Variants in PCDHGB3 observed in about 807,000 individuals in gnomAD.
The protein encoded by PCDHGB3 is protocadherin gamma-B3.
PCDHGB3 carries 40 observed loss-of-function variants against 59.2 expected under a neutral mutation model. That is an observed-to-expected ratio of 0.68 (90% CI 0.52 to 0.88). The LOEUF (loss-of-function observed/expected upper bound fraction) is 0.88. PCDHGB3 is among the 40% of genes least tolerant of loss of function. The pLI, the probability that PCDHGB3 is intolerant of heterozygous loss-of-function variation, is 0.00. For synonymous variants in PCDHGB3, 581 were observed against 503.6 expected (o/e 1.15, Z -2.06); for missense variants, 1,309 against 1,187.9 (o/e 1.10, Z -1.50).
chr5:141,403,377 T>G lies in PCDHGB3; in HGVS notation c.2415+30568T>G. 6.2e-7 allele frequency: 1 copy of G among 1,614,016 alleles called. No homozygotes were observed. The highest frequency in any genetic ancestry group is 8.5e-7 in the Non-Finnish European group (1 of 1,179,900). On this transcript the variant is annotated intron_variant, in intron 1 of 3. Transcript: ENST00000576222. ...CAGGCCGAAAGTCTGGAAGTAAAAA[T>G]TAACGAAATCGCGGTTCCTGGAGCA... is the stretch of plus-strand genomic sequence containing the variant.
intron 1 of PCDHGB3, chr5:141,484,931 A>T: frequency 4.0e-6 from 2 of 498,120 alleles, no homozygotes; most frequent in South Asian, 5.3e-5. Context: ...TGCTGTTGGG[A>T]CGTTCTCTGC....
At chr5:141,398,580 A>G in intron 1 of PCDHGB3, 1 of 1,614,044 alleles carries the variant, frequency 6.2e-7, no homozygotes, top group Non-Finnish European at 8.5e-7. Context: ...CTGGCACAAG[A>G]TTTATACTAG....
rs202006594 is a variant in PCDHGB3 at position 141,477,618 on chromosome 5, C to G, written c.2416-17189C>G. On this transcript the variant is annotated intron_variant, in intron 1 of 3. Coordinates refer to ENST00000576222, the MANE Select transcript of PCDHGB3 (RefSeq NM_018924.5). The surrounding 1 kb of genome is among the most constrained non-coding windows in gnomAD (Gnocchi z 4.9). ...TCTTTCTTTCTCTTGGAGCAAGGAGCTGAAACCGGGCTAGTGGGTCGCTAT... is the reference window on the plus strand; with the variant it reads ...TCTTTCTTTCTCTTGGAGCAAGGAGGTGAAACCGGGCTAGTGGGTCGCTAT... 6.2e-7 allele frequency: 1 copy of G among 1,614,176 alleles called. No individual in the cohort carries two copies. Among genetic ancestry groups the G allele is most frequent in the East Asian group, 2.2e-5 (1 of 44,890 alleles).
chr5:141,423,758 G>GGT (rs138224377), intron 1 of PCDHGB3: 10 of 366,772 alleles, frequency 2.7e-5, no homozygotes, highest in Non-Finnish European at 1.5e-5. Flanking sequence ...TTTGGGGGGG[G>GGT]GGTGGGGCGG....
rs1280923293 is a variant in PCDHGB3 at position 141,478,837 on chromosome 5, G to A, written c.2416-15970G>A. ...AACTAACCAATCTTGCTAAGGGATG[G>A]TTAAGCTAAAACACAAGATCTCAGC... is the stretch of plus-strand genomic sequence containing the variant. On this transcript the variant is annotated intron_variant, in intron 1 of 3. Transcript: ENST00000576222. 3.5e-6 allele frequency: 5 copies of A among 1,428,112 alleles called. No homozygotes were observed. The African/African-American group carries it at 5.8e-5, about 16-fold the overall frequency. The allele number at this position is 1,428,112 out of a possible 1,614,324, so 88.5% of individuals were successfully genotyped here.
chr5:141,405,295 C>T lies in PCDHGB3; in HGVS notation c.2415+32486C>T, dbSNP rs192426924. On this transcript the variant is annotated intron_variant, in intron 1 of 3. Transcript: ENST00000576222. ...CCAACTATGCAGACACACTCATCAG[C>T]CAGCAGAGCTGTGAGAAAAATGAGC... 26 of 1,614,180 alleles carry T rather than the reference C, an allele frequency of 1.6e-5. No individual in the cohort carries two copies. In the East Asian group the frequency reaches 4.0e-4, roughly 25 times the overall value.
intron 1 of PCDHGB3, among the ~76,000 whole-genome samples, chr5:141,447,493 T>A (rs538320272): frequency 3.3e-5 from 5 of 152,186 alleles, no homozygotes; most frequent in East Asian, 1.9e-4. Flanking sequence ...AGAAGGAATG[T>A]TTAGGATAAA....
chr5:141,478,428 C>T (rs2154576655), intron 1 of PCDHGB3: 1 of 1,613,746 alleles, frequency 6.2e-7, no homozygotes, highest in Non-Finnish European at 8.5e-7. Flanking sequence ...CGCAGCGACC[C>T]GCTGCTGAAG....
At chr5:141,403,188 C>G (rs763950254) in intron 1 of PCDHGB3, 6 of 1,613,968 alleles carry the variant, frequency 3.7e-6, no homozygotes, top group Non-Finnish European at 4.2e-6. Context: ...TCTCTGAACC[C>G]GCGCAGCGGC....
At chr5:141,381,271 T>G (rs1366742753) in intron 1 of PCDHGB3, among the ~76,000 whole-genome samples, 1 of 152,252 alleles carries the variant, frequency 6.6e-6, no homozygotes, top group Non-Finnish European at 1.5e-5. Context: ...CCAAGACTGT[T>G]TCTTGCCAGG....
chr5:141,383,273 A>G, intron 1 of PCDHGB3: 1 of 1,613,960 alleles, frequency 6.2e-7, no homozygotes, highest in Non-Finnish European at 8.5e-7. Flanking sequence ...GAAATAATAG[A>G]TATTAATGAC....
chr5:141,413,328 C>G, intron 1 of PCDHGB3: 1 of 1,614,004 alleles, frequency 6.2e-7, no homozygotes, highest in Non-Finnish European at 8.5e-7. Context: ...TCGTGGGCAA[C>G]ATCTCCAAGG....
chr5:141,448,803 G>A (rs2098607666), intron 1 of PCDHGB3, among the ~76,000 whole-genome samples: 2 of 152,020 alleles, frequency 1.3e-5, no homozygotes, highest in South Asian at 4.1e-4. Flanking sequence ...AAATTAGCCA[G>A]GCGTGATGGC....
chr5:141,414,725 T>C (rs1303775655), intron 1 of PCDHGB3: 8 of 1,613,970 alleles, frequency 5.0e-6, no homozygotes, highest in African/African-American at 1.3e-5. Flanking sequence ...GACACTGGCG[T>C]CCTGTATGCA....
intron 1 of PCDHGB3, among the ~76,000 whole-genome samples, chr5:141,454,371 G>A (rs901551817): frequency 6.6e-6 from 1 of 152,096 alleles, no homozygotes; most frequent in Non-Finnish European, 1.5e-5. Context: ...AAGGAGTATG[G>A]CAACTTGTCA....
intron 1 of PCDHGB3, chr5:141,479,494 G>C (rs747201739): frequency 2.6e-5 from 4 of 152,256 alleles, no homozygotes; most frequent in Non-Finnish European, 5.9e-5. Flanking sequence ...CCATCAGGTT[G>C]CCTAAAGAGG....
chr5:141,382,519 T>G lies in PCDHGB3; in HGVS notation c.2415+9710T>G, dbSNP rs147736839. On this transcript the variant is annotated intron_variant, in intron 1 of 3. Transcript: ENST00000576222. ...CATGAACACTGTTGCATTAATTCAG[T>G]GTCTTAAAATGGATTTTTAATTATC... 7.0e-4 allele frequency among the ~76,000 whole-genome samples: 107 copies of G among 152,314 alleles called. No homozygotes were observed. In the Middle Eastern group the frequency reaches 0.01, roughly 15 times the overall value.
intron 1 of PCDHGB3, chr5:141,399,651 G>A (rs1561671286): frequency 1.2e-6 from 2 of 1,613,738 alleles, no homozygotes; most frequent in Non-Finnish European, 1.7e-6. Flanking sequence ...CGCAAAGTGG[G>A]GTGGTGTTCG....
chr5:141,395,185 T>C, intron 1 of PCDHGB3: 1 of 1,614,158 alleles, frequency 6.2e-7, no homozygotes, highest in Non-Finnish European at 8.5e-7. Context: ...AATGATTCTT[T>C]GTTAACATCC....
Sources: allele counts gnomAD v4.1 joint callset (sites outside exome capture counted in the v4.1 genomes callset), GRCh38; gene constraint gnomAD v4.1.1; non-coding constraint Gnocchi (gnomAD v3.1); transcripts MANE v1.5; gene names NCBI Gene and HGNC (gene_info 2026-07-23, HGNC 2026-07-21).